MYT1: variants seen among roughly 807,000 people sequenced by gnomAD.
The protein encoded by MYT1 is myelin transcription factor I.
A neutral mutation model predicts 123.0 loss-of-function variants in MYT1; 23 were observed. The observed-to-expected ratio is 0.19, with a 90% CI of 0.13 to 0.26. The LOEUF is 0.26. Among genes scored for constraint, MYT1 ranks in the 10% least tolerant of loss-of-function variants. The pLI is 1.00. For synonymous variants in MYT1, 518 were observed against 575.3 expected (o/e 0.90, Z 1.43); for missense variants, 1,125 against 1,472.5 (o/e 0.76, Z 3.86).
intron 1 of MYT1, among the ~76,000 whole-genome samples, chr20:64,179,099 T>C (rs369868612): frequency 0.01 from 1,118 of 107,888 alleles, 10 homozygotes; most frequent in South Asian, 0.026. Context: ...AGCCGTTATT[T>C]GGTGAGATAC....
Position 64,236,590 on chromosome 20 carries a change from A to G in MYT1, c.2933A>G (p.Lys978Arg). Residue 978 changes from lysine (K) to arginine (R), a missense_variant, in exon 20 of 23, where the codon AAG (lysine) becomes AGG (arginine). Around this residue, in one of 4 missense-constraint regions of MYT1, gnomAD observed 243 missense variants for 323.1 expected, o/e 0.75. Coordinates refer to ENST00000328439, the MANE Select transcript of MYT1 (RefSeq NM_004535.3). ...TGTCCCAGAGCAACCTTTGCTGGAAAGAAGGGAAAACTGTCAGGGGATGAG... is the reference window on the plus strand; with the variant it reads ...TGTCCCAGAGCAACCTTTGCTGGAAGGAAGGGAAAACTGTCAGGGGATGAG... ...SGCPRATFAG[K>R]KGKLSGDEVL... The G allele has an allele frequency of 1.2e-6, 2 of 1,613,756 alleles. No individual in the cohort carries two copies. The highest frequency in any genetic ancestry group is 1.7e-6 in the Non-Finnish European group (2 of 1,179,868).
intron 16 of MYT1, among the ~76,000 whole-genome samples, chr20:64,225,347 C>T (rs1194683070): frequency 6.6e-6 from 1 of 152,204 alleles, no homozygotes; most frequent in Non-Finnish European, 1.5e-5. Context: ...CTTCCCTGTC[C>T]GCACCTGGCT....
chr20:64,198,888 A>G lies in MYT1; in HGVS notation c.27A>G (p.Arg9=). The G allele has an allele frequency of 6.2e-7, 1 of 1,614,092 alleles. No individual in the cohort carries two copies. Among genetic ancestry groups the G allele is most frequent in the East Asian group, 2.2e-5 (1 of 44,870 alleles). Reference sequence around the variant, plus strand: ...TGAGCTTAGAAAATGAAGACAAGCGAGCTCGCACCCGATCCAAGGCCCTGC... The same window carrying G: ...TGAGCTTAGAAAATGAAGACAAGCGGGCTCGCACCCGATCCAAGGCCCTGC... MSLENEDK[R]ARTRSKALRG... The change falls in exon 3 of 23, where the codon CGA becomes CGG. Residue 9 remains arginine (R), a synonymous_variant. Coordinates refer to ENST00000328439, the MANE Select transcript of MYT1 (RefSeq NM_004535.3).
intron 19 of MYT1, among the ~76,000 whole-genome samples, chr20:64,236,000 C>T (rs1256557129): frequency 1.7e-5 from 2 of 118,468 alleles, no homozygotes; most frequent in Admixed American, 8.2e-5. Flanking sequence ...CCTGGGCTGG[C>T]CGCGGTGGGT....
chr20:64,181,515 A>G (rs1210905424), intron 1 of MYT1, among the ~76,000 whole-genome samples: 2 of 152,160 alleles, frequency 1.3e-5, no homozygotes, highest in Non-Finnish European at 2.9e-5. Context: ...GATGGACACA[A>G]TGGTATTAAG....
rs536804822 is a variant in MYT1, at chr20:64,193,954, C to T, written c.-1+3794C>T. On this transcript the variant is annotated intron_variant, in intron 2 of 22. Coordinates refer to ENST00000328439, the MANE Select transcript of MYT1 (RefSeq NM_004535.3). The surrounding 1 kb of genome is among the most constrained non-coding windows in gnomAD (Gnocchi z 4.0). Reference sequence around the variant, plus strand: ...GCCCAGCGCTGGGGTGAATGGCCCCCGTGGTGTCAGAATGCCCGGAACCCC... The same window carrying T: ...GCCCAGCGCTGGGGTGAATGGCCCCTGTGGTGTCAGAATGCCCGGAACCCC... Among the ~76,000 whole-genome samples, 10 of 152,270 alleles carry T rather than the reference C, an allele frequency of 6.6e-5. No homozygotes were observed. Among genetic ancestry groups the T allele is most frequent in the South Asian group, 4.1e-4 (2 of 4,820 alleles).
At chr20:64,187,166 A>G (rs1341795091) in intron 1 of MYT1, among the ~76,000 whole-genome samples, 28 of 129,456 alleles carry the variant, frequency 2.2e-4, no homozygotes, top group African/African-American at 5.7e-4. Context: ...GTTTTCCTGT[A>G]GCCCATGGCC....
intron 1 of MYT1, among the ~76,000 whole-genome samples, chr20:64,188,360 G>T (rs1982871745): frequency 6.6e-6 from 1 of 152,166 alleles, no homozygotes; most frequent in South Asian, 2.1e-4. Flanking sequence ...CAGTTGTCTT[G>T]CATATATACA....
At position 64,207,729 on chromosome 20, in the gene MYT1, C is replaced by T. The variant is rs752851552; in HGVS notation, c.533C>T (p.Thr178Ile). ...AACTTGGGTCAAATTGCTGAAGAGACCCTGGTGGAAGAGGACTTGGGCCAG... is the reference window on the plus strand; with the variant it reads ...AACTTGGGTCAAATTGCTGAAGAGATCCTGGTGGAAGAGGACTTGGGCCAG... ...LLNLGQIAEE[T>I]LVEEDLGQAA... Residue 178 changes from threonine to isoleucine, a missense_variant, in exon 7 of 23, where the codon ACC (threonine) becomes ATC (isoleucine). Thr to Ile is a moderately conservative substitution (Grantham distance 89). This residue lies in a region of MYT1 where 406 missense variants were observed against 432.2 expected (regional missense o/e 0.94). Coordinates refer to ENST00000328439, the MANE Select transcript of MYT1 (RefSeq NM_004535.3). 6.2e-7 allele frequency: 1 copy of T among 1,613,902 alleles called. No individual in the cohort carries two copies. The highest frequency in any genetic ancestry group is 8.5e-7 in the Non-Finnish European group (1 of 1,180,022).
At chr20:64,184,880 G>A (rs538749296) in intron 1 of MYT1, among the ~76,000 whole-genome samples, 1 of 152,204 alleles carries the variant, frequency 6.6e-6, no homozygotes, top group African/African-American at 2.4e-5. Context: ...TGGGGTGGCC[G>A]GGTGGCCAGG....
intron 14 of MYT1, among the ~76,000 whole-genome samples, chr20:64,222,421 G>T (rs1043642482): frequency 6.6e-5 from 10 of 152,240 alleles, no homozygotes; most frequent in Non-Finnish European, 1.3e-4. Flanking sequence ...GGCACGTTCT[G>T]CCCTGGGCTC....
In MYT1 at chr20:64,232,481, G is replaced by T. The variant is rs1236499352; in HGVS notation, c.2897+96G>T. 7 of 1,266,026 alleles carry T rather than the reference G, an allele frequency of 5.5e-6. No homozygotes were observed. The highest frequency in any genetic ancestry group is 3.0e-5 in the African/African-American group (2 of 67,670). The allele number at this position is 1,266,026 out of a possible 1,614,324, so 78.4% of individuals were successfully genotyped here. On this transcript the variant is annotated intron_variant, in intron 19 of 22. Transcript: ENST00000328439. This position sits in a 1 kb window ranked among gnomAD's most constrained non-coding sequence, Gnocchi z 6.9. ...GCTCCTGAGGGAGGGCCAGACCAGG[G>T]CTCCGTGTGACCAGAGTTGCTCAAG...
Position 64,232,649 on chromosome 20 carries a change from G to A in MYT1, c.2897+264G>A, listed in dbSNP as rs560437716. 3.9e-5 allele frequency among the ~76,000 whole-genome samples: 6 copies of A among 152,224 alleles called. No individual in the cohort carries two copies. The highest frequency in any genetic ancestry group is 2.1e-4 in the South Asian group (1 of 4,822). On this transcript the variant is annotated intron_variant, in intron 19 of 22. Coordinates refer to ENST00000328439, the MANE Select transcript of MYT1 (RefSeq NM_004535.3). This position sits in a 1 kb window ranked among gnomAD's most constrained non-coding sequence, Gnocchi z 6.9. ...TCCTGATGGAGTCCTTCCTGGCTGGGTGTTATGCTGGACACAGAGGCCACA... is the reference window on the plus strand; with the variant it reads ...TCCTGATGGAGTCCTTCCTGGCTGGATGTTATGCTGGACACAGAGGCCACA...
chr20:64,170,848 CAT>C (rs1175817263), intron 1 of MYT1, among the ~76,000 whole-genome samples: 399 of 15,980 alleles, frequency 0.025, 5 homozygotes, highest in South Asian at 0.031. Context: ...ACAAATTGGT[CAT>C]ATATATATAT....
intron 21 of MYT1, 27 bp from the exon 22 acceptor site, chr20:64,239,733 G>A (rs763468964): frequency 3.3e-5 from 54 of 1,612,858 alleles, no homozygotes; most frequent in Non-Finnish European, 4.0e-5. Flanking sequence ...AAGGGCAGGC[G>A]GCACTTCGAA....
rs1983373400 is a variant in MYT1, at chr20:64,203,110, T to A, written c.87-1925T>A. On this transcript the variant is annotated intron_variant, in intron 4 of 22. Transcript: ENST00000328439. The surrounding 1 kb of genome is among the most constrained non-coding windows in gnomAD (Gnocchi z 5.1). ...CCTGTCCCCGAGCGGCCTTGTCCGCTCCACGCACTTGGGCTCACAGCCGTG... is the reference window on the plus strand; with the variant it reads ...CCTGTCCCCGAGCGGCCTTGTCCGCACCACGCACTTGGGCTCACAGCCGTG... Among the ~76,000 whole-genome samples the A allele has an allele frequency of 6.6e-6, 1 of 152,158 alleles. No individual in the cohort carries two copies. Among genetic ancestry groups the A allele is most frequent in the African/African-American group, 2.4e-5 (1 of 41,446 alleles).
Position 64,218,914 on chromosome 20 carries a change from T to G in MYT1, c.1850T>G (p.Phe617Cys), listed in dbSNP as rs1983916024. The G allele has an allele frequency of 6.8e-6, 11 of 1,613,470 alleles. No individual in the cohort carries two copies. The East Asian group carries it at 2.5e-4, about 36-fold the overall frequency. Residue 617 changes from phenylalanine to cysteine, a missense_variant, in exon 12 of 23, where the codon TTT becomes TGT. This residue lies in a region of MYT1 where 429 missense variants were observed against 604.1 expected (regional missense o/e 0.71). Transcript: ENST00000328439. This position sits in a 1 kb window ranked among gnomAD's most constrained non-coding sequence, Gnocchi z 4.0. ...SETSPKAFQC[F>C]DYSQDAEAAH... The stretch of plus-strand genomic sequence containing the variant: ...AGCACTTCATCCTCTTCTGCAGGCT[T>G]TGACTACTCGCAGGACGCCGAGGCT...
At chr20:64,221,283 C>T (rs761448306) in intron 13 of MYT1, among the ~76,000 whole-genome samples, 3 of 152,104 alleles carry the variant, frequency 2.0e-5, no homozygotes, top group Admixed American at 6.5e-5. Context: ...CTTCCTGGAC[C>T]CCTGGCCCCT....
intron 14 of MYT1, among the ~76,000 whole-genome samples, chr20:64,222,338 A>T (rs1984032430): frequency 6.6e-6 from 1 of 152,174 alleles, no homozygotes; most frequent in Non-Finnish European, 1.5e-5. Context: ...AGTGGAGGAG[A>T]GCTCCTCAGA....
Sources: gnomAD v4.1 joint callset for allele counts (sites outside exome capture counted in the v4.1 genomes callset) on GRCh38, gnomAD v4.1.1 for gene constraint, gnomAD v4.1.1 regional missense constraint, Gnocchi (gnomAD v3.1) non-coding constraint, MANE v1.5 for transcripts, NCBI Gene and HGNC (gene_info 2026-07-23, HGNC 2026-07-21) for gene names.